CMIP: variants seen among roughly 807,000 people sequenced by gnomAD.
The protein encoded by CMIP is C-Maf-inducing protein.
A neutral mutation model predicts 97.3 loss-of-function variants in CMIP; 13 were observed. That is an observed-to-expected ratio of 0.13 (90% CI 0.09 to 0.21). The LOEUF is 0.21. Among genes scored for constraint, CMIP ranks in the 10% least tolerant of loss-of-function variants. The probability of loss-of-function intolerance (pLI) is 1.00; values close to 1 mark genes in which losing one functional copy is unlikely to be tolerated. For missense variants in CMIP, 847 were observed against 1,024.9 expected (o/e 0.83, Z 2.37); for synonymous variants, 538 against 436.3 (o/e 1.23, Z -2.91).
intron 1 of CMIP, chr16:81,476,090 T>C (rs886157668): frequency 6.5e-6 from 5 of 775,176 alleles, no homozygotes; most frequent in Non-Finnish European, 1.2e-5. Context: ...GGACCCAAAG[T>C]GCTCCATGGC....
At chr16:81,668,002 G>C (rs1422997414) in intron 7 of CMIP, among the ~76,000 whole-genome samples, 12 of 152,026 alleles carry the variant, frequency 7.9e-5, no homozygotes, top group African/African-American at 2.9e-4. Context: ...AGCCCCCAGC[G>C]GCTCTAGAAA....
intron 1 of CMIP, among the ~76,000 whole-genome samples, chr16:81,502,106 G>C (rs915293427): frequency 1.3e-5 from 2 of 152,214 alleles, no homozygotes; most frequent in African/African-American, 4.8e-5. Flanking sequence ...CTACTGCCTA[G>C]CTCCGATGAG....
At chr16:81,681,956 C>T (rs901727840) in intron 10 of CMIP, among the ~76,000 whole-genome samples, 5 of 152,134 alleles carry the variant, frequency 3.3e-5, no homozygotes, top group Non-Finnish European at 7.3e-5. Flanking sequence ...CGCCTGTAAT[C>T]CCAGCACTTT....
intron 6 of CMIP, 58 bp from the exon 7 acceptor site, chr16:81,664,211 C>A (rs115081531): frequency 6.7e-7 from 1 of 1,501,844 alleles, no homozygotes; most frequent in East Asian, 2.5e-5. Context: ...CTAGCAGCCA[C>A]GGGCTGTGTT....
In CMIP at chr16:81,605,199, G is replaced by A. The variant is rs549715317; in HGVS notation, c.301-2368G>A. ...GAACAGTGCACGGGATGCTGGAACA[G>A]GCCAGAACAGTGAAGGGCAGGCCCA... is the stretch of plus-strand genomic sequence containing the variant. On this transcript the variant is annotated intron_variant, in intron 1 of 20. Transcript: ENST00000537098. 3.3e-5 allele frequency among the ~76,000 whole-genome samples: 5 copies of A among 152,336 alleles called. No homozygotes were observed. In the South Asian group the frequency reaches 1.0e-3, roughly 32 times the overall value.
At position 81,579,157 on chromosome 16, in the gene CMIP, C is replaced by T. The variant is rs116648656; in HGVS notation, c.301-28410C>T. Reference sequence around the variant, plus strand: ...GCAGGGACATGGGGATGGCACCCCCCTGCCTCCTAGGGCTATTGCAGGGAT... The same window carrying T: ...GCAGGGACATGGGGATGGCACCCCCTTGCCTCCTAGGGCTATTGCAGGGAT... On this transcript the variant is annotated intron_variant, in intron 1 of 20. Coordinates refer to ENST00000537098, the MANE Select transcript of CMIP (RefSeq NM_198390.3). Among the ~76,000 whole-genome samples, 558 of 152,302 alleles carry T rather than the reference C, an allele frequency of 3.7e-3. 6 individuals carry two copies. Among genetic ancestry groups the T allele is most frequent in the African/African-American group, 0.013 (528 of 41,570 alleles).
intron 1 of CMIP, among the ~76,000 whole-genome samples, chr16:81,506,445 C>T (rs950177100): frequency 1.1e-4 from 16 of 152,318 alleles, no homozygotes; most frequent in Admixed American, 9.8e-4. Context: ...CTCATTCTTC[C>T]TTACATTGCA....
In CMIP at chr16:81,445,552, C is replaced by G. The variant is rs961138014; in HGVS notation, c.300+11C>G. 1 of 1,536,430 alleles carries G rather than the reference C, an allele frequency of 6.5e-7. No homozygotes were observed. The highest frequency in any genetic ancestry group is 2.5e-5 in the East Asian group (1 of 40,782). The stretch of plus-strand genomic sequence containing the variant: ...CTGGCGTCCGCCACGGTGAGTGGCT[C>G]TGCGCGGCTGCACCCCCGCCTCTCC... On this transcript the variant is annotated intron_variant, in intron 1 of 20. Coordinates refer to ENST00000537098, the MANE Select transcript of CMIP (RefSeq NM_198390.3).
rs761076642 is a variant in CMIP at position 81,678,484 on chromosome 16, C to T, written c.1244C>T (p.Ala415Val). 24 of 1,595,690 alleles carry T rather than the reference C, an allele frequency of 1.5e-5. No individual in the cohort carries two copies. The African/African-American group carries it at 1.6e-4, about 11-fold the overall frequency. Residue 415 changes from alanine (A) to valine (V), a missense_variant, in exon 10 of 21, where the codon GCG (alanine) becomes GTG (valine). Physicochemically the swap from Ala to Val is moderately conservative, Grantham distance 64. Around this residue, in one of 4 missense-constraint regions of CMIP, gnomAD observed 202 missense variants for 168.7 expected, o/e 1.20. Coordinates refer to ENST00000537098, the MANE Select transcript of CMIP (RefSeq NM_198390.3). The part of the protein sequence containing the change: ...EVERTSTAKP[A>V]LTASAGNDSE... ...GAACGCACCAGCACTGCCAAGCCGG[C>T]GCTGACGGCCAGCGCAGGCAACGAC...
At chr16:81,565,128 G>C (rs2090956106) in intron 1 of CMIP, among the ~76,000 whole-genome samples, 10 of 152,126 alleles carry the variant, frequency 6.6e-5, no homozygotes, top group Admixed American at 6.5e-4. Flanking sequence ...GGAATGGCAT[G>C]GTAACCATGG....
chr16:81,650,177 A>C (rs1045881047), intron 3 of CMIP, among the ~76,000 whole-genome samples: 46 of 152,214 alleles, frequency 3.0e-4, no homozygotes, highest in African/African-American at 1.0e-3. Flanking sequence ...ACAACTTGTC[A>C]CGCGTTTCTT....
At chr16:81,558,379 T>A (rs1279579483) in intron 1 of CMIP, among the ~76,000 whole-genome samples, 1 of 152,226 alleles carries the variant, frequency 6.6e-6, no homozygotes, top group Non-Finnish European at 1.5e-5. Flanking sequence ...CCCATTCTTT[T>A]GGGTCTGTAC....
intron 3 of CMIP, among the ~76,000 whole-genome samples, chr16:81,645,994 T>C (rs1389112861): frequency 6.6e-6 from 1 of 152,152 alleles, no homozygotes; most frequent in Non-Finnish European, 1.5e-5. Context: ...GTACTTAACA[T>C]AGTGCTTGGC....
chr16:81,569,683 T>C (rs944008826), intron 1 of CMIP, among the ~76,000 whole-genome samples: 1 of 152,212 alleles, frequency 6.6e-6, no homozygotes, highest in Non-Finnish European at 1.5e-5. Context: ...AGTGAGATGC[T>C]TAAATGCAGA....
chr16:81,487,782 C>T (rs866500575), intron 1 of CMIP, among the ~76,000 whole-genome samples: 6 of 152,194 alleles, frequency 3.9e-5, no homozygotes, highest in Non-Finnish European at 5.9e-5. Context: ...GTGCCTGGCA[C>T]GGAGTAAAGG....
At chr16:81,702,722 C>G in intron 17 of CMIP, 53 bp downstream of exon 17, 1 of 1,531,624 alleles carries the variant, frequency 6.5e-7, no homozygotes, top group Non-Finnish European at 9.0e-7. Context: ...GGTTGGTCCT[C>G]TCTGTTGGGG....
intron 10 of CMIP, among the ~76,000 whole-genome samples, chr16:81,682,265 A>G (rs1395673977): frequency 1.3e-5 from 2 of 151,256 alleles, no homozygotes; most frequent in Non-Finnish European, 1.5e-5. Context: ...GGAGTTACAC[A>G]TAAAGAAAAA....
chr16:81,475,914 G>A (rs1907880747), intron 1 of CMIP: 1 of 393,198 alleles, frequency 2.5e-6, no homozygotes, highest in Non-Finnish European at 4.8e-6. Context: ...ATGAACCCGG[G>A]AGGCAGAGCT....
intron 2 of CMIP, chr16:81,617,074 G>A (rs756603477): frequency 3.1e-4 from 48 of 152,486 alleles, no homozygotes; most frequent in African/African-American, 9.1e-4. Flanking sequence ...AGCACCAACG[G>A]TGTGACCAGG....
Sources: gnomAD v4.1 joint callset for allele counts (sites outside exome capture counted in the v4.1 genomes callset) on GRCh38, gnomAD v4.1.1 for gene constraint, gnomAD v4.1.1 regional missense constraint, MANE v1.5 for transcripts, NCBI Gene and HGNC (gene_info 2026-07-23, HGNC 2026-07-21) for gene names.